FMR1: variants seen among roughly 807,000 people sequenced by gnomAD.
FMR1 encodes the protein FMRP translational regulator 1.
FMR1 carries 13 observed loss-of-function variants against 50.6 expected under a neutral mutation model. The ratio of observed to expected loss-of-function variants is 0.26; its 90% CI spans 0.17 to 0.41. FMR1 has a LOEUF of 0.41. Ranked by LOEUF, FMR1 falls within the 10% of genes least tolerant of loss-of-function variation. The pLI is 1.00. For missense variants in FMR1, 316 were observed against 491.3 expected (o/e 0.64, Z 3.37); for synonymous variants, 138 against 164.1 (o/e 0.84, Z 1.22).
At chrX:147,936,380 T>G (rs1469090793) in intron 9 of FMR1, 124 bp from the exon 10 acceptor site, 6 of 487,977 alleles carry the variant, frequency 1.2e-5, no homozygotes, top group Non-Finnish European at 2.1e-5. Context: ...AATCTTACAA[T>G]TCAATACATA....
chrX:147,935,513 G>A (rs1353262606), intron 9 of FMR1, among the ~76,000 whole-genome samples: 1 of 112,409 alleles, frequency 8.9e-6, no homozygotes, highest in East Asian at 2.8e-4. Context: ...AGCACATGGT[G>A]GATGTGGCCA....
rs1481009486 is a variant in FMR1, at chrX:147,912,057, CGGCGGCGGCGGCGGCGGCGGCGGA to C, written c.-99_-76del. On this transcript the variant is annotated 5_prime_UTR_variant, in exon 1 of 17. Coordinates refer to ENST00000370475, the MANE Select transcript of FMR1 (RefSeq NM_002024.6). The stretch of plus-strand genomic sequence containing the variant: ...CAGGGGGCGTGCGGCAGCGCGGCGG[CGGCGGCGGCGGCGGCGGCGGCGGA>C]GGCGGCGGCGGCGGCGGCGGCGGCG... 77 of 149,934 alleles carry C rather than the reference CGGCGGCGGCGGCGGCGGCGGCGGA, an allele frequency of 5.1e-4. No homozygotes were observed. Among genetic ancestry groups the C allele is most frequent in the Non-Finnish European group, 6.8e-4 (64 of 94,625 alleles). The allele number at this position is 149,934 out of a possible 1,213,427, so 12.4% of individuals were successfully genotyped here. A position where few individuals can be genotyped will look rare whatever the true frequency, so the allele number is the denominator to read the frequency against.
At chrX:147,925,090 A>G (rs1278838454) in intron 2 of FMR1, 5 of 145,618 alleles carry the variant, frequency 3.4e-5, no homozygotes, top group Non-Finnish European at 6.7e-5. Context: ...TGATAGCCCC[A>G]TTTTGCTTGG....
intron 12 of FMR1, among the ~76,000 whole-genome samples, chrX:147,939,428 C>T (rs1162734469): frequency 9.0e-6 from 1 of 111,527 alleles, no homozygotes; most frequent in South Asian, 3.7e-4. Context: ...TGTGTATGGG[C>T]TTGATAAAAC....
chrX:147,945,765 A>G, intron 16 of FMR1, 149 bp downstream of exon 16: 1 of 495,701 alleles, frequency 2.0e-6, no homozygotes, highest in East Asian at 3.7e-5. Context: ...AATTGTAGTC[A>G]ATCTTAGTTC....
rs11798323 is a variant in FMR1, at chrX:147,949,906, A to T, written c.*1062A>T. On this transcript the variant is annotated 3_prime_UTR_variant, in exon 17 of 17. Coordinates refer to ENST00000370475, the MANE Select transcript of FMR1 (RefSeq NM_002024.6). ...TATGCATAATAATCCTGCAAAGTAC[A>T]GGTACTTTGTCTAAGAAACATTGGA... The T allele has an allele frequency of 0.027, 8,736 of 325,564 alleles. 106 individuals carry two copies. The highest frequency in any genetic ancestry group is 0.075 in the South Asian group (2,791 of 37,294). The allele number at this position is 325,564 out of a possible 1,213,427, so 26.8% of individuals were successfully genotyped here.
intron 2 of FMR1, among the ~76,000 whole-genome samples, chrX:147,924,490 T>TGTGTGTGA (rs2043311045): frequency 1.1e-5 from 1 of 92,207 alleles, no homozygotes; most frequent in African/African-American, 4.2e-5. Flanking sequence ...TGTGTGTGTG[T>TGTGTGTGA]GTGTGTGTGT....
intron 1 of FMR1, among the ~76,000 whole-genome samples, chrX:147,917,899 T>G (rs781955610): frequency 1.8e-5 from 2 of 111,762 alleles, no homozygotes; most frequent in East Asian, 5.6e-4. Context: ...GCAAAACCGT[T>G]AACCACTAAG....
At chrX:147,923,300 G>C (rs1227685272) in intron 2 of FMR1, among the ~76,000 whole-genome samples, 1 of 111,772 alleles carries the variant, frequency 8.9e-6, no homozygotes, top group Non-Finnish European at 1.9e-5. Flanking sequence ...AATACATAAA[G>C]CCAAAAGTTT....
In FMR1 at chrX:147,932,782, T is replaced by A. The variant is rs1557178977; in HGVS notation, c.880+19T>A. On this transcript the variant is annotated intron_variant, in intron 9 of 16. Transcript: ENST00000370475. ...TTAGTAGGTAAGTCAGAAGTATCTG[T>A]TGACATATAGTACAACAACTAAGTT... The A allele has an allele frequency of 9.4e-7, 1 of 1,069,003 alleles. No homozygotes were observed. The highest frequency in any genetic ancestry group is 1.3e-6 in the Non-Finnish European group (1 of 766,923). 88.1% of individuals were successfully genotyped at this position (1,069,003 alleles called of 1,213,427 possible).
chrX:147,912,961 G>A (rs781902864), intron 1 of FMR1: 13 of 276,476 alleles, frequency 4.7e-5, no homozygotes, highest in African/African-American at 3.6e-4. Context: ...GTTAAACGGG[G>A]TAAATTCAGG....
chrX:147,944,366 C>T, intron 14 of FMR1: 2 of 754,079 alleles, frequency 2.7e-6, no homozygotes, highest in South Asian at 1.3e-4. Context: ...AATCCATGAC[C>T]CACAAGAGAC....
intron 3 of FMR1, 47 bp from the exon 4 acceptor site, chrX:147,928,275 A>G (rs1004325142): frequency 1.8e-6 from 2 of 1,103,744 alleles, no homozygotes; most frequent in Admixed American, 2.2e-5. Flanking sequence ...TGTAGATTTC[A>G]AAATTATGTT....
intron 12 of FMR1, among the ~76,000 whole-genome samples, chrX:147,938,698 G>A (rs1378465323): frequency 2.7e-5 from 3 of 111,799 alleles, no homozygotes; most frequent in Non-Finnish European, 5.6e-5. Context: ...TTTGAGGGCA[G>A]GGAGAGCTGG....
At position 147,938,244 on chromosome X, in the gene FMR1, C is replaced by T. The variant is rs2043859394; in HGVS notation, c.1188+83C>T. ...CTTGTTAACAAAGATTACAAATGAT[C>T]CTCAGGATTAGGGACTGGAGGGAGG... On this transcript the variant is annotated intron_variant, in intron 12 of 16. Coordinates refer to ENST00000370475, the MANE Select transcript of FMR1 (RefSeq NM_002024.6). 6 of 838,355 alleles carry T rather than the reference C, an allele frequency of 7.2e-6. No individual in the cohort carries two copies. In the Admixed American group the frequency reaches 1.3e-4, roughly 19 times the overall value. 69.1% of individuals were successfully genotyped at this position (838,355 alleles called of 1,213,427 possible). A position where few individuals can be genotyped will look rare whatever the true frequency, so the allele number is the denominator to read the frequency against.
At chrX:147,944,835 C>A in intron 14 of FMR1, 34 bp from the exon 15 acceptor site, 1 of 1,160,104 alleles carries the variant, frequency 8.6e-7, no homozygotes, top group African/African-American at 1.9e-5. Context: ...TTTTTAAAGT[C>A]AGACAATGGT....
At chrX:147,934,201 T>A (rs1557179284) in intron 9 of FMR1, among the ~76,000 whole-genome samples, 2 of 103,624 alleles carry the variant, frequency 1.9e-5, no homozygotes, top group Non-Finnish European at 3.9e-5. Flanking sequence ...CTGGTAGTTG[T>A]TTTGTTTTTT....
intron 7 of FMR1, among the ~76,000 whole-genome samples, chrX:147,930,547 A>G (rs2043555515): frequency 8.9e-6 from 1 of 111,894 alleles, no homozygotes. Flanking sequence ...TGTCATTAAA[A>G]ATACTAGAGA....
At position 147,948,984 on chromosome X, in the gene FMR1, T is replaced by G; in HGVS notation, c.*140T>G. Reference sequence around the variant, plus strand: ...TGAACACAAATTATGCTAAGAATTTTTTATTTTTTGGTATTGGCCATAAGC... The same window carrying G: ...TGAACACAAATTATGCTAAGAATTTGTTATTTTTTGGTATTGGCCATAAGC... On this transcript the variant is annotated 3_prime_UTR_variant, in exon 17 of 17. Coordinates refer to ENST00000370475, the MANE Select transcript of FMR1 (RefSeq NM_002024.6). The G allele has an allele frequency of 1.5e-6, 1 of 679,055 alleles. No individual in the cohort carries two copies. The highest frequency in any genetic ancestry group is 2.3e-6 in the Non-Finnish European group (1 of 431,694). The allele number at this position is 679,055 out of a possible 1,213,427, so 56.0% of individuals were successfully genotyped here. A position where few individuals can be genotyped will look rare whatever the true frequency, so the allele number is the denominator to read the frequency against.
Sources: allele counts gnomAD v4.1 joint callset (sites outside exome capture counted in the v4.1 genomes callset), GRCh38; gene constraint gnomAD v4.1.1; transcripts MANE v1.5; gene names NCBI Gene and HGNC (gene_info 2026-07-23, HGNC 2026-07-21).